Variants in NHSL3 observed in about 807,000 individuals in gnomAD.
The protein encoded by NHSL3 is NHS like 3, also known as NHS-like protein 3.
chr1:32,771,751 A>G, the NHSL3 span: 15 of 1,613,792 alleles, frequency 9.3e-6, no homozygotes, highest in Non-Finnish European at 1.2e-5. Flanking sequence ...GCTCCCTCAG[A>G]AGGAACCGGT....
chr1:32,751,165 C>T, the NHSL3 span, among the ~76,000 whole-genome samples: 1 of 152,184 alleles, frequency 6.6e-6, no homozygotes, highest in East Asian at 1.9e-4. Context: ...TCTTGTGGTT[C>T]CTGGAGTTCT....
chr1:32,773,061 A>G, the NHSL3 span: 2 of 655,844 alleles, frequency 3.0e-6, no homozygotes, highest in South Asian at 1.7e-5. Context: ...TCCTGTCCTC[A>G]GAGTCATCCT....
At chr1:32,743,761 T>C in the NHSL3 span, among the ~76,000 whole-genome samples, 1 of 152,192 alleles carries the variant, frequency 6.6e-6, no homozygotes, top group African/African-American at 2.4e-5. Flanking sequence ...TTGGGTTCAT[T>C]GGGTCAGTGG....
chr1:32,752,942 CACACACACATATAT>C, the NHSL3 span, among the ~76,000 whole-genome samples: 262 of 23,022 alleles, frequency 0.011, 8 homozygotes, highest in African/African-American at 0.029. Context: ...CACACACACA[CACACACACATATAT>C]ATATATATAT....
chr1:32,769,687 C>T, the NHSL3 span: 15 of 1,613,186 alleles, frequency 9.3e-6, no homozygotes, highest in Middle Eastern at 1.8e-4. Flanking sequence ...CACCTTCCGA[C>T]CCCATGACTC....
the NHSL3 span, chr1:32,770,886 C>T: frequency 3.5e-5 from 57 of 1,608,798 alleles, no homozygotes; most frequent in Non-Finnish European, 4.7e-5. The surrounding 1 kb of genome is among the most constrained non-coding windows in gnomAD (Gnocchi z 8.3). Flanking sequence ...GTTCCCGGCG[C>T]CCCCCACGGT....
At chr1:32,772,895 G>A in the NHSL3 span, 1 of 1,613,964 alleles carries the variant, frequency 6.2e-7, no homozygotes, top group Admixed American at 1.7e-5. Context: ...TGACCACCAG[G>A]CACCTCACTG....
At chr1:32,773,108 C>T in the NHSL3 span, 2 of 588,432 alleles carry the variant, frequency 3.4e-6, no homozygotes, top group South Asian at 2.0e-5. Context: ...TCACCTCTGG[C>T]AGTTGCCGCT....
chr1:32,770,265 T>G, the NHSL3 span: 1 of 1,604,130 alleles, frequency 6.2e-7, no homozygotes, highest in Non-Finnish European at 8.5e-7. This position sits in a 1 kb window ranked among gnomAD's most constrained non-coding sequence, Gnocchi z 8.3. Flanking sequence ...TGCTGCCGCC[T>G]ACAGTGGACG....
chr1:32,772,218 G>A, the NHSL3 span: 2 of 1,609,878 alleles, frequency 1.2e-6, no homozygotes, highest in Non-Finnish European at 1.7e-6. Flanking sequence ...GGCCACCCCA[G>A]GCCCCAAAGA....
chr1:32,742,798 C>T, the NHSL3 span, among the ~76,000 whole-genome samples: 7 of 152,198 alleles, frequency 4.6e-5, no homozygotes, highest in African/African-American at 1.7e-4. Context: ...GTGAGCTCAC[C>T]AAGGTGAACC....
chr1:32,757,171 G>A, the NHSL3 span, among the ~76,000 whole-genome samples: 1 of 152,206 alleles, frequency 6.6e-6, no homozygotes, highest in African/African-American at 2.4e-5. Context: ...AAGTACTCAA[G>A]TGCCAGTATA....
chr1:32,773,048 T>TG, the NHSL3 span: 1 of 690,736 alleles, frequency 1.4e-6, no homozygotes, highest in Admixed American at 2.3e-5. Flanking sequence ...AGCCTGGTGT[T>TG]GCTCCTGTCC....
the NHSL3 span, chr1:32,768,738 C>T: frequency 1.2e-5 from 20 of 1,613,952 alleles, no homozygotes; most frequent in Admixed American, 3.3e-5. Flanking sequence ...CAGCAGAGGA[C>T]GCGCTCTCCA....
At chr1:32,768,600 A>G in the NHSL3 span, 2 of 1,597,626 alleles carry the variant, frequency 1.3e-6, no homozygotes, top group African/African-American at 1.3e-5. Flanking sequence ...AAAAGTTCCA[A>G]TGGGGAGCCT....
chr1:32,757,852 T>G, the NHSL3 span, among the ~76,000 whole-genome samples: 46 of 151,990 alleles, frequency 3.0e-4, no homozygotes, highest in Non-Finnish European at 1.5e-4. Context: ...GGTGTCATCT[T>G]ATGACACCCT....
At chr1:32,772,506 C>T in the NHSL3 span, 24 of 1,497,600 alleles carry the variant, frequency 1.6e-5, no homozygotes, top group Admixed American at 1.2e-4. Flanking sequence ...TCTGAAGTCC[C>T]GCCATGGGGG....
chr1:32,771,779 G>A, the NHSL3 span: 6 of 1,613,592 alleles, frequency 3.7e-6, no homozygotes, highest in Admixed American at 5.0e-5. Context: ...AGCAAGGGTG[G>A]TGGGCCTCCC....
At chr1:32,757,299 AC>A in the NHSL3 span, among the ~76,000 whole-genome samples, 1 of 152,120 alleles carries the variant, frequency 6.6e-6, no homozygotes, top group Non-Finnish European at 1.5e-5. Flanking sequence ...GGAGGAGTCT[AC>A]AAAAGTGGGG....
Sources: gnomAD v4.1 joint callset for allele counts (sites outside exome capture counted in the v4.1 genomes callset) on GRCh38, gnomAD v4.1.1 for gene constraint, Gnocchi (gnomAD v3.1) non-coding constraint, MANE v1.5 for transcripts, NCBI Gene and HGNC (gene_info 2026-07-23, HGNC 2026-07-21) for gene names.